TBC1D8: variants seen among roughly 807,000 people sequenced by gnomAD.
TBC1D8 encodes BUB2-like protein 1.
In TBC1D8, 65 loss-of-function variants were observed where a neutral mutation model predicts 118.8. The observed-to-expected ratio is 0.55, with a 90% confidence interval of 0.45 to 0.67. The LOEUF (loss-of-function observed/expected upper bound fraction) is 0.67, where lower values mean the gene tolerates loss of function less well. Ranked by LOEUF, TBC1D8 falls within the 30% of genes least tolerant of loss-of-function variation. TBC1D8 has a pLI of 0.00. For missense variants in TBC1D8, 1,376 were observed against 1,471.2 expected (o/e 0.94, Z 1.06); for synonymous variants, 566 against 595.8 (o/e 0.95, Z 0.73).
intron 2 of TBC1D8, among the ~76,000 whole-genome samples, chr2:101,066,827 C>G (rs57334422): frequency 6.6e-6 from 1 of 151,704 alleles, no homozygotes; most frequent in Non-Finnish European, 1.5e-5. Flanking sequence ...CACCTGTAAT[C>G]TCAGCTACTC....
chr2:101,084,924 C>T (rs2105450989), intron 2 of TBC1D8, among the ~76,000 whole-genome samples: 1 of 150,986 alleles, frequency 6.6e-6, no homozygotes, highest in South Asian at 2.1e-4. Context: ...TCTCCGCTCA[C>T]TGCAAGCTCC....
chr2:101,035,551 T>C (rs1278154203), intron 9 of TBC1D8, among the ~76,000 whole-genome samples: 1 of 152,086 alleles, frequency 6.6e-6, no homozygotes, highest in African/African-American at 2.4e-5. Flanking sequence ...AATCTGCACT[T>C]TTGCCTCTGG....
At chr2:101,143,720 C>A (rs544432189) in intron 1 of TBC1D8, among the ~76,000 whole-genome samples, 1 of 152,128 alleles carries the variant, frequency 6.6e-6, no homozygotes, top group Non-Finnish European at 1.5e-5. Context: ...CCACCATGCT[C>A]GGCTAATTTT....
intron 1 of TBC1D8, among the ~76,000 whole-genome samples, chr2:101,093,863 C>T (rs999682361): frequency 1.3e-5 from 2 of 152,112 alleles, no homozygotes; most frequent in Non-Finnish European, 2.9e-5. Context: ...GCACCTGCCA[C>T]CACGCCTAGC....
chr2:101,101,695 C>T (rs1472474406), intron 1 of TBC1D8, among the ~76,000 whole-genome samples: 1 of 152,186 alleles, frequency 6.6e-6, no homozygotes, highest in Admixed American at 6.5e-5. Flanking sequence ...GGTACATATA[C>T]ACTACAGAAT....
intron 1 of TBC1D8, among the ~76,000 whole-genome samples, chr2:101,116,624 A>G (rs1266230240): frequency 1.3e-5 from 2 of 151,986 alleles, no homozygotes; most frequent in African/African-American, 4.8e-5. Context: ...ATGTCAGTTA[A>G]TATTAATTAA....
intron 5 of TBC1D8, among the ~76,000 whole-genome samples, chr2:101,042,468 T>C (rs1681443917): frequency 6.6e-6 from 1 of 152,238 alleles, no homozygotes. Flanking sequence ...AATGAGACTC[T>C]CTGTATCTCA....
At chr2:101,053,931 C>T (rs1310177931) in intron 4 of TBC1D8, among the ~76,000 whole-genome samples, 177 bp downstream of exon 4, 3 of 152,202 alleles carry the variant, frequency 2.0e-5, no homozygotes, top group Non-Finnish European at 4.4e-5. Flanking sequence ...AAAGTGAATT[C>T]TCCAGATCTA....
intron 17 of TBC1D8, chr2:101,017,817 C>G (rs1220277453): frequency 1.3e-6 from 2 of 1,547,404 alleles, no homozygotes; most frequent in Non-Finnish European, 1.7e-6. Context: ...AGTTTTCATA[C>G]TAATACTAAC....
At chr2:101,096,791 G>A (rs1451761642) in intron 1 of TBC1D8, among the ~76,000 whole-genome samples, 2 of 127,698 alleles carry the variant, frequency 1.6e-5, no homozygotes, top group African/African-American at 3.1e-5. Flanking sequence ...AAGTGAGAGA[G>A]AGGGGGAGAG....
chr2:101,027,301 A>G (rs923730378), intron 15 of TBC1D8, 82 bp downstream of exon 15: 1 of 1,313,504 alleles, frequency 7.6e-7, no homozygotes, highest in Non-Finnish European at 1.1e-6. Context: ...AGGCAGCTGC[A>G]TGCTGTCCCC....
intron 2 of TBC1D8, among the ~76,000 whole-genome samples, chr2:101,073,381 G>A (rs895593740): frequency 5.3e-5 from 8 of 149,982 alleles, no homozygotes; most frequent in South Asian, 2.1e-4. Flanking sequence ...TGCAACCTCC[G>A]CCTCCTGGGT....
intron 11 of TBC1D8, 110 bp from the exon 12 acceptor site, chr2:101,029,886 TC>T: frequency 1.7e-6 from 2 of 1,186,606 alleles, no homozygotes; most frequent in Non-Finnish European, 2.3e-6. Context: ...GGAATTTGAG[TC>T]CAGAAAAGCG....
At chr2:101,138,924 C>T (rs972906324) in intron 1 of TBC1D8, among the ~76,000 whole-genome samples, 1 of 152,140 alleles carries the variant, frequency 6.6e-6, no homozygotes, top group African/African-American at 2.4e-5. Flanking sequence ...CCAGTCTCCA[C>T]CCAGGAGCCC....
intron 1 of TBC1D8, among the ~76,000 whole-genome samples, chr2:101,096,798 A>AGG (rs1484139685): frequency 2.7e-5 from 4 of 145,730 alleles, no homozygotes; most frequent in Non-Finnish European, 6.0e-5. Context: ...AGAGAGGGGG[A>AGG]GAGAGAGAGA....
intron 12 of TBC1D8, 116 bp downstream of exon 12, chr2:101,029,371 AACAG>A: frequency 8.6e-7 from 1 of 1,159,490 alleles, no homozygotes; most frequent in Non-Finnish European, 1.2e-6. Flanking sequence ...CAGCCTGGGC[AACAG>A]AGTGAGACTC....
intron 1 of TBC1D8, among the ~76,000 whole-genome samples, chr2:101,132,704 T>G (rs568543736): frequency 2.0e-5 from 3 of 152,212 alleles, no homozygotes; most frequent in Admixed American, 2.0e-4. Flanking sequence ...TCTTCCCGCC[T>G]TGGCCTCCCA....
rs184081036 is a variant in TBC1D8 at position 101,073,701 on chromosome 2, G to A, written c.284-14162C>T. Among the ~76,000 whole-genome samples the A allele has an allele frequency of 2.0e-3, 302 of 152,286 alleles. 2 individuals carry two copies. Among genetic ancestry groups the A allele is most frequent in the African/African-American group, 6.6e-3 (276 of 41,562 alleles). ...CACTGCAGCTTCTCCATCAGTACTT[G>A]CTGCTTCACCTTGTACTTTTATGTT... On this transcript the variant is annotated intron_variant, in intron 2 of 19. Transcript: ENST00000409318.
intron 5 of TBC1D8, among the ~76,000 whole-genome samples, chr2:101,048,990 C>A (rs1382527617): frequency 6.6e-6 from 1 of 152,158 alleles, no homozygotes; most frequent in Non-Finnish European, 1.5e-5. Flanking sequence ...TCACATTTTG[C>A]TGATGACTTC....
Sources: allele counts gnomAD v4.1 joint callset (sites outside exome capture counted in the v4.1 genomes callset), GRCh38; gene constraint gnomAD v4.1.1; transcripts MANE v1.5; gene names NCBI Gene and HGNC (gene_info 2026-07-23, HGNC 2026-07-21).